The following NBEA variants were observed in gnomAD, a reference collection of about 807,000 sequenced individuals.
NBEA encodes the protein neurobeachin, also known as lysosomal-trafficking regulator 2.
A neutral mutation model predicts 343.4 loss-of-function variants in NBEA; 44 were observed. The observed-to-expected ratio is 0.13, with a 90% CI of 0.10 to 0.16. The LOEUF (loss-of-function observed/expected upper bound fraction) is 0.16. Ranked by LOEUF, NBEA falls within the 10% of genes least tolerant of loss-of-function variation. The pLI is 1.00. For synonymous variants in NBEA, 1,175 were observed against 1,238.7 expected (o/e 0.95, Z 1.08); for missense variants, 2,555 against 3,631.3 (o/e 0.70, Z 7.62).
chr13:35,549,786 A>T (rs2079225705), intron 41 of NBEA, among the ~76,000 whole-genome samples: 2 of 152,242 alleles, frequency 1.3e-5, no homozygotes, highest in Non-Finnish European at 2.9e-5. Context: ...ACAAAGTTAC[A>T]AGGGAATTTG....
At chr13:35,253,023 G>A (rs73169705) in intron 34 of NBEA, among the ~76,000 whole-genome samples, 2,441 of 152,210 alleles carry the variant, frequency 0.016, 24 homozygotes, top group Middle Eastern at 0.027. Flanking sequence ...GCCTGCCGAG[G>A]AAGTATGCAT....
chr13:35,292,221 ATG>A (rs2035847664), intron 35 of NBEA, among the ~76,000 whole-genome samples: 2 of 152,070 alleles, frequency 1.3e-5, no homozygotes, highest in African/African-American at 4.8e-5. Context: ...TGCTCCATGA[ATG>A]TTTAAAATCA....
At chr13:34,946,669 T>C (rs1168689743) in intron 1 of NBEA, among the ~76,000 whole-genome samples, 1 of 151,462 alleles carries the variant, frequency 6.6e-6, no homozygotes, top group East Asian at 1.9e-4. Flanking sequence ...TATATCAGTG[T>C]GTCCAGTTGT....
chr13:35,022,918 A>G (rs2061897208), intron 1 of NBEA, among the ~76,000 whole-genome samples: 1 of 152,146 alleles, frequency 6.6e-6, no homozygotes. Flanking sequence ...TTATCTCTGT[A>G]TAATTTCATA....
chr13:35,494,307 C>T (rs1001065055), intron 41 of NBEA, among the ~76,000 whole-genome samples: 1 of 151,834 alleles, frequency 6.6e-6, no homozygotes, highest in Non-Finnish European at 1.5e-5. Flanking sequence ...ACCTTCTGAT[C>T]AACAATGGTA....
chr13:35,242,097 T>G (rs2030403613), intron 34 of NBEA, among the ~76,000 whole-genome samples: 1 of 151,930 alleles, frequency 6.6e-6, no homozygotes, highest in Admixed American at 6.6e-5. Flanking sequence ...CTCTGACTTC[T>G]TTTAAAAATA....
intron 34 of NBEA, among the ~76,000 whole-genome samples, chr13:35,271,331 A>ACACCAAAATCCCATCCATAGGT: frequency 6.6e-6 from 1 of 152,336 alleles, no homozygotes. Flanking sequence ...AAGGACATCC[A>ACACCAAAATCCCATCCATAGGT]CACCAAAATC....
chr13:35,074,727 T>C (rs945014981), intron 10 of NBEA, among the ~76,000 whole-genome samples: 1 of 152,182 alleles, frequency 6.6e-6, no homozygotes, highest in Non-Finnish European at 1.5e-5. Context: ...TACAACATGA[T>C]GTTATGGGAT....
chr13:35,216,330 T>C (rs1377280559), intron 33 of NBEA, among the ~76,000 whole-genome samples: 1 of 151,920 alleles, frequency 6.6e-6, no homozygotes, highest in South Asian at 2.1e-4. Context: ...CATAAAGTTA[T>C]TGGAATACAG....
chr13:35,524,011 G>C, intron 41 of NBEA, among the ~76,000 whole-genome samples: 1 of 151,998 alleles, frequency 6.6e-6, no homozygotes, highest in East Asian at 1.9e-4. Flanking sequence ...TCATGGTAAT[G>C]TTTTAAATAT....
At chr13:35,476,223 C>A in intron 41 of NBEA, 1 of 1,600,070 alleles carries the variant, frequency 6.2e-7, no homozygotes, top group Non-Finnish European at 8.6e-7. Context: ...GAGCCAACTT[C>A]GGTGGAGAAA....
chr13:35,342,524 G>C (rs1178046862), intron 36 of NBEA, among the ~76,000 whole-genome samples: 1 of 151,940 alleles, frequency 6.6e-6, no homozygotes, highest in Non-Finnish European at 1.5e-5. Flanking sequence ...ACTATACAAG[G>C]AGAAAAGTAT....
At chr13:34,997,238 C>T (rs192001577) in intron 1 of NBEA, among the ~76,000 whole-genome samples, 1 of 152,178 alleles carries the variant, frequency 6.6e-6, no homozygotes, top group East Asian at 1.9e-4. Context: ...AGTTCTAGTT[C>T]TCAAGAATAT....
intron 39 of NBEA, among the ~76,000 whole-genome samples, chr13:35,434,768 G>C (rs141808303): frequency 6.6e-6 from 1 of 152,124 alleles, no homozygotes; most frequent in Non-Finnish European, 1.5e-5. Context: ...ATTGACGAGA[G>C]AAATTTAGTA....
At chr13:35,619,037 A>G (rs1300786279) in intron 48 of NBEA, among the ~76,000 whole-genome samples, 2 of 151,700 alleles carry the variant, frequency 1.3e-5, no homozygotes, top group Non-Finnish European at 2.9e-5. Flanking sequence ...TTCAAAGAAA[A>G]TGTTTCCTTT....
At chr13:35,573,682 C>G (rs1428802970) in intron 45 of NBEA, among the ~76,000 whole-genome samples, 3 of 152,178 alleles carry the variant, frequency 2.0e-5, no homozygotes, top group African/African-American at 7.2e-5. Flanking sequence ...GGAAAAAAAT[C>G]CTATAGAGCC....
chr13:35,311,844 G>A (rs2037390128), intron 36 of NBEA, among the ~76,000 whole-genome samples: 1 of 151,912 alleles, frequency 6.6e-6, no homozygotes, highest in Non-Finnish European at 1.5e-5. Flanking sequence ...ATGAGAGCGA[G>A]ACTTCGTCCC....
In NBEA at chr13:35,445,037, G is replaced by A. The variant is rs917303913; in HGVS notation, c.6305-7055G>A. 7.2e-5 allele frequency among the ~76,000 whole-genome samples: 11 copies of A among 152,112 alleles called. No homozygotes were observed. The East Asian group carries it at 9.7e-4, about 13-fold the overall frequency. On this transcript the variant is annotated intron_variant, in intron 39 of 58. Coordinates refer to ENST00000379939, the MANE Select transcript of NBEA (RefSeq NM_001385012.1). ...GGCTCATTCACATTTTAATGAATACGAACACTGTTATAACAGCATGGTGGA... is the reference window on the plus strand; with the variant it reads ...GGCTCATTCACATTTTAATGAATACAAACACTGTTATAACAGCATGGTGGA...
intron 10 of NBEA, among the ~76,000 whole-genome samples, chr13:35,088,171 C>T (rs1203550827): frequency 3.3e-5 from 5 of 151,816 alleles, no homozygotes; most frequent in African/African-American, 1.2e-4. Context: ...AAAAGGCAAG[C>T]AAGCTGCTAT....
Sources: gnomAD v4.1 joint callset for allele counts (sites outside exome capture counted in the v4.1 genomes callset) on GRCh38, gnomAD v4.1.1 for gene constraint, MANE v1.5 for transcripts, NCBI Gene and HGNC (gene_info 2026-07-23, HGNC 2026-07-21) for gene names.